CACNB2: variants seen among roughly 807,000 people sequenced by gnomAD.
CACNB2 encodes voltage-dependent L-type calcium channel subunit beta-2.
A neutral mutation model predicts 73.3 loss-of-function variants in CACNB2; 42 were observed. The ratio of observed to expected loss-of-function variants is 0.57; its 90% CI spans 0.45 to 0.74. The LOEUF (loss-of-function observed/expected upper bound fraction) is 0.74. CACNB2 is among the 30% of genes least tolerant of loss of function. The pLI, the probability that CACNB2 is intolerant of heterozygous loss-of-function variation, is 0.00. For missense variants in CACNB2, 940 were observed against 853.0 expected (o/e 1.10, Z -1.27); for synonymous variants, 348 against 310.3 (o/e 1.12, Z -1.28).
chr10:18,335,231 G>A (rs1229317848), intron 2 of CACNB2, among the ~76,000 whole-genome samples: 1 of 151,920 alleles, frequency 6.6e-6, no homozygotes, highest in East Asian at 1.9e-4. Context: ...AAATTGTCTT[G>A]GATTTCTTAT....
chr10:18,339,335 A>G (rs2041142312), intron 2 of CACNB2, among the ~76,000 whole-genome samples: 1 of 152,134 alleles, frequency 6.6e-6, no homozygotes. Context: ...AGCCTGGCCA[A>G]TATGCTGAAA....
intron 2 of CACNB2, among the ~76,000 whole-genome samples, chr10:18,295,776 T>TAAAA (rs2039252495): frequency 6.6e-6 from 1 of 152,178 alleles, no homozygotes. Context: ...AGTATGTGCA[T>TAAAA]GTTATTATAT....
At chr10:18,292,799 G>A (rs2131781608) in intron 2 of CACNB2, among the ~76,000 whole-genome samples, 1 of 152,276 alleles carries the variant, frequency 6.6e-6, no homozygotes, top group East Asian at 1.9e-4. Flanking sequence ...CATGTTAAGT[G>A]AGCTTGATAC....
chr10:18,168,410 G>A (rs372932763), intron 2 of CACNB2, among the ~76,000 whole-genome samples: 54 of 152,246 alleles, frequency 3.5e-4, no homozygotes, highest in Admixed American at 9.2e-4. Context: ...AATTGATTGA[G>A]CCAGTATCTT....
chr10:18,210,296 T>C (rs1444757723), intron 2 of CACNB2, among the ~76,000 whole-genome samples: 1 of 152,212 alleles, frequency 6.6e-6, no homozygotes, highest in Non-Finnish European at 1.5e-5. Context: ...GAGAAATGTA[T>C]ATACATGCAG....
chr10:18,353,863 A>G (rs753759902), intron 2 of CACNB2, among the ~76,000 whole-genome samples: 1 of 152,218 alleles, frequency 6.6e-6, no homozygotes, highest in Non-Finnish European at 1.5e-5. Context: ...GCCCAAAGGC[A>G]TTATAAGGAA....
chr10:18,317,647 C>T (rs749022077), intron 2 of CACNB2, among the ~76,000 whole-genome samples: 4 of 152,128 alleles, frequency 2.6e-5, no homozygotes, highest in Admixed American at 6.6e-5. Context: ...CAACAGGTGC[C>T]TGGGTTGATT....
intron 3 of CACNB2, among the ~76,000 whole-genome samples, chr10:18,425,544 A>T (rs11014186): frequency 0.87 from 131,790 of 151,818 alleles, 57,378 homozygotes; most frequent in East Asian, 0.94. Context: ...GACAGACACC[A>T]CTGGTCCCAG....
At chr10:18,466,724 T>C (rs1359297225) in intron 3 of CACNB2, among the ~76,000 whole-genome samples, 2 of 152,180 alleles carry the variant, frequency 1.3e-5, no homozygotes, top group Non-Finnish European at 2.9e-5. Flanking sequence ...CTAAAAATTC[T>C]AGCTCCTGGT....
At chr10:18,381,462 G>A (rs1280833542) in intron 2 of CACNB2, among the ~76,000 whole-genome samples, 3 of 151,736 alleles carry the variant, frequency 2.0e-5, no homozygotes, top group Non-Finnish European at 2.9e-5. Flanking sequence ...AGGCTGAGGC[G>A]GGTGGATCCG....
At chr10:18,232,132 G>T (rs958998156) in intron 2 of CACNB2, among the ~76,000 whole-genome samples, 2 of 152,110 alleles carry the variant, frequency 1.3e-5, no homozygotes, top group East Asian at 1.9e-4. Context: ...TTCTTTTGGG[G>T]TTGATCATTG....
At chr10:18,173,893 A>T (rs772845451) in intron 2 of CACNB2, among the ~76,000 whole-genome samples, 1 of 152,200 alleles carries the variant, frequency 6.6e-6, no homozygotes, top group Non-Finnish European at 1.5e-5. Flanking sequence ...TGCCACAAAT[A>T]CTCCTGCAAA....
intron 2 of CACNB2, among the ~76,000 whole-genome samples, chr10:18,331,634 G>T (rs1454059076): frequency 6.6e-6 from 1 of 152,032 alleles, no homozygotes; most frequent in Non-Finnish European, 1.5e-5. Flanking sequence ...CAGAACTGTT[G>T]GTTTGAAGAC....
chr10:18,218,043 A>T (rs1198125232), intron 2 of CACNB2, among the ~76,000 whole-genome samples: 1 of 152,164 alleles, frequency 6.6e-6, no homozygotes, highest in African/African-American at 2.4e-5. Flanking sequence ...TATATTTTGC[A>T]GGACATTCTA....
chr10:18,482,677 A>AT (rs1469904261), intron 3 of CACNB2, among the ~76,000 whole-genome samples: 1 of 151,782 alleles, frequency 6.6e-6, no homozygotes, highest in Non-Finnish European at 1.5e-5. Context: ...TGCCCAGCTA[A>AT]TTTTTTGTAT....
At chr10:18,220,358 C>G (rs1028056125) in intron 2 of CACNB2, among the ~76,000 whole-genome samples, 32 of 147,682 alleles carry the variant, frequency 2.2e-4, no homozygotes, top group Admixed American at 5.5e-4. Flanking sequence ...CTCCTGCATT[C>G]AAGTGATTCT....
At chr10:18,530,940 C>G (rs4747350) in intron 10 of CACNB2, among the ~76,000 whole-genome samples, 53,276 of 152,030 alleles carry the variant, frequency 0.35, 9,834 homozygotes, top group East Asian at 0.71. Context: ...GCAGTGGGAA[C>G]AGAGAGGCAG....
rs560552723 is a variant in CACNB2 at position 18,482,206 on chromosome 10, A to G, written c.334-16149A>G. Among the ~76,000 whole-genome samples the G allele has an allele frequency of 1.6e-4, 25 of 152,322 alleles. 1 individual carries two copies. The East Asian group carries it at 3.5e-3, about 21-fold the overall frequency. On this transcript the variant is annotated intron_variant, in intron 3 of 13. Coordinates refer to ENST00000324631, the MANE Select transcript of CACNB2 (RefSeq NM_201596.3). ...CACCTTATCTCTTATTGGTTTTTAC[A>G]GAGACTAACTGAGATATATTTAAGC...
At chr10:18,441,364 C>G (rs1233798250) in intron 3 of CACNB2, among the ~76,000 whole-genome samples, 2 of 152,154 alleles carry the variant, frequency 1.3e-5, no homozygotes, top group African/African-American at 4.8e-5. Flanking sequence ...GATATCGCGT[C>G]ACTGCACTCT....
Sources: gnomAD v4.1 joint callset for allele counts (sites outside exome capture counted in the v4.1 genomes callset) on GRCh38, gnomAD v4.1.1 for gene constraint, MANE v1.5 for transcripts, NCBI Gene and HGNC (gene_info 2026-07-23, HGNC 2026-07-21) for gene names.